The following DNTTIP1 variants were observed in gnomAD, a reference collection of about 807,000 sequenced individuals.
DNTTIP1 encodes deoxynucleotidyltransferase terminal interacting protein 1.
A neutral mutation model predicts 52.9 loss-of-function variants in DNTTIP1; 22 were observed. The observed-to-expected ratio is 0.42, with a 90% CI of 0.30 to 0.59. The LOEUF (loss-of-function observed/expected upper bound fraction) is 0.59, where lower values mean the gene tolerates loss of function less well. Among genes scored for constraint, DNTTIP1 ranks in the 20% least tolerant of loss-of-function variants. The probability of loss-of-function intolerance (pLI) is 0.22; values close to 1 mark genes in which losing one functional copy is unlikely to be tolerated. For missense variants in DNTTIP1, 286 were observed against 435.5 expected (o/e 0.66, Z 3.06); for synonymous variants, 136 against 155.1 (o/e 0.88, Z 0.92).
chr20:45,804,804 G>A (rs1298852130), intron 8 of DNTTIP1, among the ~76,000 whole-genome samples: 2 of 152,122 alleles, frequency 1.3e-5, no homozygotes, highest in African/African-American at 4.8e-5. Flanking sequence ...GAATTAACTT[G>A]GGAAATGCCT....
intron 4 of DNTTIP1, among the ~76,000 whole-genome samples, chr20:45,796,789 G>A (rs889002696): frequency 2.6e-5 from 4 of 152,064 alleles, no homozygotes; most frequent in African/African-American, 9.7e-5. Flanking sequence ...TAACTTCCGT[G>A]TTGTCAAACC....
chr20:45,795,497 T>G, intron 4 of DNTTIP1, 54 bp downstream of exon 4: 1 of 1,134,488 alleles, frequency 8.8e-7, no homozygotes, highest in South Asian at 1.3e-5. Flanking sequence ...CTCGAGCCTC[T>G]GATAAGAAAT....
Position 45,798,258 on chromosome 20 carries a change from C to T in DNTTIP1, c.372+2815C>T, listed in dbSNP as rs545235240. On this transcript the variant is annotated intron_variant, in intron 4 of 12. Coordinates refer to ENST00000372622, the MANE Select transcript of DNTTIP1 (RefSeq NM_052951.3). The stretch of plus-strand genomic sequence containing the variant: ...CAAAAAACCAAACACCGCATGTTCT[C>T]ACTCATGGGTGGGAATTGAACAATG... Among the ~76,000 whole-genome samples, 24 of 149,656 alleles carry T rather than the reference C, an allele frequency of 1.6e-4. No individual in the cohort carries two copies. In the South Asian group the frequency reaches 4.6e-3, roughly 29 times the overall value.
chr20:45,799,162 C>T (rs892521143), intron 4 of DNTTIP1, among the ~76,000 whole-genome samples: 1 of 152,066 alleles, frequency 6.6e-6, no homozygotes, highest in Non-Finnish European at 1.5e-5. Flanking sequence ...ATTATGGAAT[C>T]GTGGTTTATA....
chr20:45,803,106 G>A, intron 7 of DNTTIP1: 1 of 509,138 alleles, frequency 2.0e-6, no homozygotes, highest in Non-Finnish European at 3.5e-6. Flanking sequence ...CCACTCAGAG[G>A]TTCTTGGAGT....
chr20:45,801,165 G>A, intron 5 of DNTTIP1, 23 bp downstream of exon 5: 1 of 1,611,274 alleles, frequency 6.2e-7, no homozygotes, highest in East Asian at 2.2e-5. Context: ...GTGTTCTCGG[G>A]TATTGGAGCG....
intron 4 of DNTTIP1, among the ~76,000 whole-genome samples, chr20:45,800,652 C>T (rs1339858395): frequency 8.6e-5 from 11 of 127,280 alleles, no homozygotes; most frequent in East Asian, 2.3e-4. Context: ...CCAGCCTGGG[C>T]GACAAGAGTG....
chr20:45,796,578 C>T (rs1390382657), intron 4 of DNTTIP1: 1 of 470,670 alleles, frequency 2.1e-6, no homozygotes, highest in Non-Finnish European at 4.4e-6. Context: ...ATGACTGTTC[C>T]CAAGATAGTA....
At position 45,806,365 on chromosome 20, in the gene DNTTIP1, A is replaced by AAAATAAAAT. The variant is rs796111613; in HGVS notation, c.723+1004_723+1005insAAATAAATA. On this transcript the variant is annotated intron_variant, in intron 10 of 12. Coordinates refer to ENST00000372622, the MANE Select transcript of DNTTIP1 (RefSeq NM_052951.3). ...AGCAAAACTCCATCTCAAAAAAAAA[A>AAAATAAAAT]AAATAGAGTTTGGAGCAAGGCAGGG... Among the ~76,000 whole-genome samples the AAAATAAAAT allele has an allele frequency of 6.1e-3, 931 of 151,932 alleles. 41 individuals carry two copies. The East Asian group carries it at 0.11, about 19-fold the overall frequency.
rs775260181 is a variant in DNTTIP1, at chr20:45,793,963, C to T, written c.219C>T (p.Val73=). Residue 73 remains valine (V), a synonymous_variant, in exon 3 of 13, where the codon GTC becomes GTT. Coordinates refer to ENST00000372622, the MANE Select transcript of DNTTIP1 (RefSeq NM_052951.3). ...TCTCCATGGATCTCCTCCGAGCTGT[C>T]CTGCAGCCCAGCATCAACGAGGAGA... ...PAISMDLLRA[V]LQPSINEEIQ... The T allele has an allele frequency of 6.2e-7, 1 of 1,602,316 alleles. No homozygotes were observed. Among genetic ancestry groups the T allele is most frequent in the Non-Finnish European group, 8.5e-7 (1 of 1,174,378 alleles).
chr20:45,799,625 T>G (rs1346538144), intron 4 of DNTTIP1, among the ~76,000 whole-genome samples: 1 of 152,190 alleles, frequency 6.6e-6, no homozygotes, highest in Non-Finnish European at 1.5e-5. Context: ...TCCCCTCTGG[T>G]GGTTCTCTGT....
chr20:45,794,517 T>TAAA (rs201746242), intron 3 of DNTTIP1, among the ~76,000 whole-genome samples: 1 of 151,024 alleles, frequency 6.6e-6, no homozygotes, highest in East Asian at 2.0e-4. Flanking sequence ...CTTTTTTTTT[T>TAAA]AAAATCTGCC....
chr20:45,797,528 A>AACAGAG (rs1981282019), intron 4 of DNTTIP1, among the ~76,000 whole-genome samples: 1 of 152,242 alleles, frequency 6.6e-6, no homozygotes, highest in Admixed American at 6.5e-5. Flanking sequence ...AGAAATGACC[A>AACAGAG]TCAGAGTGAA....
rs368946752 is a variant in DNTTIP1, at chr20:45,810,512, G to A, written c.796-373G>A. 3.4e-4 allele frequency among the ~76,000 whole-genome samples: 51 copies of A among 149,226 alleles called. No individual in the cohort carries two copies. In the South Asian group the frequency reaches 7.8e-3, roughly 23 times the overall value. On this transcript the variant is annotated intron_variant, in intron 11 of 12. Transcript: ENST00000372622. ...GTTATAACCCACCTTGGGTCCTTTC[G>A]TATACTTGATCTTAACCAAAAGGTG...
At chr20:45,805,812 G>A (rs1253863471) in intron 10 of DNTTIP1, among the ~76,000 whole-genome samples, 1 of 152,182 alleles carries the variant, frequency 6.6e-6, no homozygotes, top group African/African-American at 2.4e-5. Context: ...GGCCAGGTGC[G>A]TGAGCTCACA....
rs376375662 is a variant in DNTTIP1 at position 45,805,123 on chromosome 20, G to A, written c.604-23G>A. ...CCATCAGATTAAACTTCACCCTCAC[G>A]AGCTTCTCTATTTTTTGCACAGTGG... On this transcript the variant is annotated intron_variant, in intron 8 of 12. Coordinates refer to ENST00000372622, the MANE Select transcript of DNTTIP1 (RefSeq NM_052951.3). 34 of 1,611,872 alleles carry A rather than the reference G, an allele frequency of 2.1e-5. No homozygotes were observed. The East Asian group carries it at 3.6e-4, about 17-fold the overall frequency.
At position 45,810,950 on chromosome 20, in the gene DNTTIP1, G is replaced by T; in HGVS notation, c.851+10G>T. The T allele has an allele frequency of 6.2e-7, 1 of 1,614,174 alleles. No individual in the cohort carries two copies. The highest frequency in any genetic ancestry group is 1.3e-5 in the African/African-American group (1 of 75,044). On this transcript the variant is annotated intron_variant, in intron 12 of 12. Transcript: ENST00000372622. ...CCAGTGATGATTACAGGTAAAACCAGTGGGTCTCCTGCCCCTTCTCCTCTC... is the reference window on the plus strand; with the variant it reads ...CCAGTGATGATTACAGGTAAAACCATTGGGTCTCCTGCCCCTTCTCCTCTC...
intron 3 of DNTTIP1, 35 bp from the exon 4 acceptor site, chr20:45,795,310 G>A: frequency 7.6e-7 from 1 of 1,319,244 alleles, no homozygotes; most frequent in Non-Finnish European, 1.1e-6. Context: ...CACATTAACA[G>A]GACTCTGACC....
At chr20:45,795,939 G>A (rs2145698345) in intron 4 of DNTTIP1, among the ~76,000 whole-genome samples, 1 of 152,258 alleles carries the variant, frequency 6.6e-6, no homozygotes, top group Non-Finnish European at 1.5e-5. Context: ...CAGGTACCAG[G>A]ATAAATGCAT....
Sources: gnomAD v4.1 joint callset for allele counts (sites outside exome capture counted in the v4.1 genomes callset) on GRCh38, gnomAD v4.1.1 for gene constraint, MANE v1.5 for transcripts, NCBI Gene and HGNC (gene_info 2026-07-23, HGNC 2026-07-21) for gene names.